Variants in DPYSL2 observed in about 807,000 individuals in gnomAD.
The protein encoded by DPYSL2 is dihydropyrimidinase like 2.
Under a neutral mutation model 69.9 loss-of-function variants are expected in DPYSL2, and 13 were observed. The ratio of observed to expected loss-of-function variants is 0.19; its 90% confidence interval spans 0.12 to 0.30. The LOEUF is 0.30. Ranked by LOEUF, DPYSL2 falls within the 10% of genes least tolerant of loss-of-function variation. The probability of loss-of-function intolerance (pLI) is 1.00; values close to 1 mark genes in which losing one functional copy is unlikely to be tolerated. For missense variants in DPYSL2, 587 were observed against 918.9 expected, an observed-to-expected ratio of 0.64 and a Z score of 4.67; for synonymous variants, 326 against 359.1, an observed-to-expected ratio of 0.91 and a Z score of 1.04.
At position 26,652,246 on chromosome 8, in the gene DPYSL2, C is replaced by T. The variant is rs754412481; in HGVS notation, c.1597-11C>T. 2.5e-6 allele frequency: 4 copies of T among 1,608,790 alleles called. No homozygotes were observed. Among genetic ancestry groups the T allele is most frequent in the African/African-American group, 1.3e-5 (1 of 74,894 alleles). On this transcript the variant is annotated splice_polypyrimidine_tract_variant and intron_variant, in intron 11 of 13. Coordinates refer to ENST00000521913, the MANE Select transcript of DPYSL2 (RefSeq NM_001197293.3). The surrounding 1 kb of genome is among the most constrained non-coding windows in gnomAD (Gnocchi z 6.3). ...TGGCCTGTTCTAGAGTTTACTTTGCCTTCTTCTCAGTCTCTCGAGTACAAC... is the reference window on the plus strand; with the variant it reads ...TGGCCTGTTCTAGAGTTTACTTTGCTTTCTTCTCAGTCTCTCGAGTACAAC...
At position 26,533,393 on chromosome 8, in the gene DPYSL2, C is replaced by T. The variant is rs534727806; in HGVS notation, c.354+18714C>T. On this transcript the variant is annotated intron_variant, in intron 1 of 13. Coordinates refer to ENST00000521913, the MANE Select transcript of DPYSL2 (RefSeq NM_001197293.3). This position sits in a 1 kb window ranked among gnomAD's most constrained non-coding sequence, Gnocchi z 4.8. ...ACAAAGTGTAACTTATCTATCTTTT[C>T]TTTTGTTGCTTGTACTTTTGGTATC... Among the ~76,000 whole-genome samples the T allele has an allele frequency of 3.6e-3, 547 of 152,182 alleles. 4 individuals are homozygous for T. Among genetic ancestry groups the T allele is most frequent in the Middle Eastern group, 6.8e-3 (2 of 294 alleles).
chr8:26,597,511 G>A lies in DPYSL2; in HGVS notation c.628+13528G>A, dbSNP rs1050335400. ...TTTTTTGGATACAGAGTCTCCCTCC[G>A]TTGCCTAGGCTGGAATGCAGTGGCT... On this transcript the variant is annotated intron_variant, in intron 3 of 13. Coordinates refer to ENST00000521913, the MANE Select transcript of DPYSL2 (RefSeq NM_001197293.3). The surrounding 1 kb of genome is among the most constrained non-coding windows in gnomAD (Gnocchi z 5.2). 6.6e-6 allele frequency among the ~76,000 whole-genome samples: 1 copy of A among 151,796 alleles called. No homozygotes were observed. The highest frequency in any genetic ancestry group is 6.6e-5 in the Admixed American group (1 of 15,244).
Position 26,560,889 on chromosome 8 carries a change from A to C in DPYSL2, c.355-21080A>C, listed in dbSNP as rs1057315263. ...GGAAAGAAACATCATTAATCATATG[A>C]TGAGTGTTTGTCAGGCCTCCAAGTC... is the stretch of plus-strand genomic sequence containing the variant. On this transcript the variant is annotated intron_variant, in intron 1 of 13. Transcript: ENST00000521913. The surrounding 1 kb of genome is among the most constrained non-coding windows in gnomAD (Gnocchi z 4.4). 7.2e-5 allele frequency among the ~76,000 whole-genome samples: 11 copies of C among 152,202 alleles called. No homozygotes were observed. The highest frequency in any genetic ancestry group is 2.7e-4 in the African/African-American group (11 of 41,446).
rs1234445091 is a variant in DPYSL2 at position 26,517,692 on chromosome 8, C to G, written c.354+3013C>G. On this transcript the variant is annotated intron_variant, in intron 1 of 13. Transcript: ENST00000521913. This position sits in a 1 kb window ranked among gnomAD's most constrained non-coding sequence, Gnocchi z 4.2. ...AATACTGGACCATAAGAATGCTTTT[C>G]AAAGGGGCCTCTAGGCCCTTTTCCC... Among the ~76,000 whole-genome samples, 1 of 152,232 alleles carries G rather than the reference C, an allele frequency of 6.6e-6. No homozygotes were observed. Among genetic ancestry groups the G allele is most frequent in the Non-Finnish European group, 1.5e-5 (1 of 68,048 alleles).
chr8:26,598,546 G>A lies in DPYSL2; in HGVS notation c.628+14563G>A, dbSNP rs1801917626. Among the ~76,000 whole-genome samples the A allele has an allele frequency of 6.6e-6, 1 of 152,242 alleles. No individual in the cohort carries two copies. The highest frequency in any genetic ancestry group is 1.5e-5 in the Non-Finnish European group (1 of 68,044). On this transcript the variant is annotated intron_variant, in intron 3 of 13. Coordinates refer to ENST00000521913, the MANE Select transcript of DPYSL2 (RefSeq NM_001197293.3). The surrounding 1 kb of genome is among the most constrained non-coding windows in gnomAD (Gnocchi z 4.2). Reference sequence around the variant, plus strand: ...TTAGTGCCAGCAGAAAGCACCAGGAGACACCCGATGTGCCCCCACCTTGGT... The same window carrying A: ...TTAGTGCCAGCAGAAAGCACCAGGAAACACCCGATGTGCCCCCACCTTGGT...
rs143758547 is a variant in DPYSL2 at position 26,641,550 on chromosome 8, C to T, written c.1127-1889C>T. Among the ~76,000 whole-genome samples, 23 of 152,366 alleles carry T rather than the reference C, an allele frequency of 1.5e-4. No individual in the cohort carries two copies. Among genetic ancestry groups the T allele is most frequent in the African/African-American group, 4.6e-4 (19 of 41,596 alleles). On this transcript the variant is annotated intron_variant, in intron 8 of 13. Transcript: ENST00000521913. This position sits in a 1 kb window ranked among gnomAD's most constrained non-coding sequence, Gnocchi z 4.1. ...TCTTTGGCAGCGGCCAAGGCCTTCTCATTATGTGGTGTTTTTCCACTTCGG... is the reference window on the plus strand; with the variant it reads ...TCTTTGGCAGCGGCCAAGGCCTTCTTATTATGTGGTGTTTTTCCACTTCGG...
chr8:26,572,502 T>A (rs574842447), intron 1 of DPYSL2, among the ~76,000 whole-genome samples: 1 of 152,134 alleles, frequency 6.6e-6, no homozygotes, highest in Non-Finnish European at 1.5e-5. Flanking sequence ...TGAGTAAGAC[T>A]TTTTTGTTTG....
In DPYSL2 at chr8:26,564,706, G is replaced by A. The variant is rs1335822434; in HGVS notation, c.355-17263G>A. On this transcript the variant is annotated intron_variant, in intron 1 of 13. Transcript: ENST00000521913. The surrounding 1 kb of genome is among the most constrained non-coding windows in gnomAD (Gnocchi z 4.8). ...AGGGTGGCCAGATCAAGGACCAGTG[G>A]GAAGTCTTCAGGGGAAGCTCTTCTG... 1.3e-5 allele frequency among the ~76,000 whole-genome samples: 2 copies of A among 152,140 alleles called. No homozygotes were observed. The highest frequency in any genetic ancestry group is 4.8e-5 in the African/African-American group (2 of 41,416).
intron 1 of DPYSL2, among the ~76,000 whole-genome samples, chr8:26,549,639 C>T (rs563978069): frequency 3.9e-5 from 6 of 152,152 alleles, no homozygotes; most frequent in African/African-American, 1.4e-4. Flanking sequence ...TGCAGAAAAT[C>T]AAAGACAGAA....
At position 26,652,525 on chromosome 8, in the gene DPYSL2, A is replaced by G; in HGVS notation, c.1776+89A>G. 7.3e-7 allele frequency: 1 copy of G among 1,369,178 alleles called. No homozygotes were observed. The highest frequency in any genetic ancestry group is 1.0e-6 in the Non-Finnish European group (1 of 1,004,338). 84.8% of individuals were successfully genotyped at this position (1,369,178 alleles called of 1,614,324 possible). A position where few individuals can be genotyped will look rare whatever the true frequency, so the allele number is the denominator to read the frequency against. ...TTTATTAAGCACCTTGAGACAGAAT[A>G]TTAAGATGAATTTAGTGGATTCCAG... On this transcript the variant is annotated intron_variant, in intron 12 of 13. Coordinates refer to ENST00000521913, the MANE Select transcript of DPYSL2 (RefSeq NM_001197293.3). The surrounding 1 kb of genome is among the most constrained non-coding windows in gnomAD (Gnocchi z 6.3).
Position 26,514,759 on chromosome 8 carries a change from C to T in DPYSL2, c.354+80C>T. ...CCCTCGCCCCTGAGCCCGGCGCGCC[C>T]GCCTTCATGCCCCGCCCTGGACCTC... On this transcript the variant is annotated intron_variant, in intron 1 of 13. Transcript: ENST00000521913. This position sits in a 1 kb window ranked among gnomAD's most constrained non-coding sequence, Gnocchi z 8.4. 4.8e-6 allele frequency: 6 copies of T among 1,237,832 alleles called. No individual in the cohort carries two copies. The highest frequency in any genetic ancestry group is 5.3e-6 in the Non-Finnish European group (5 of 950,156). The allele number at this position is 1,237,832 out of a possible 1,614,324, so 76.7% of individuals were successfully genotyped here.
chr8:26,519,404 G>A (rs985952156), intron 1 of DPYSL2, among the ~76,000 whole-genome samples: 1 of 152,112 alleles, frequency 6.6e-6, no homozygotes, highest in Non-Finnish European at 1.5e-5. Flanking sequence ...CTGGGAGAGA[G>A]GTCTCTTGTT....
intron 1 of DPYSL2, among the ~76,000 whole-genome samples, chr8:26,527,099 G>A (rs1168714638): frequency 6.6e-6 from 1 of 152,224 alleles, no homozygotes; most frequent in Non-Finnish European, 1.5e-5. Context: ...TGACTGGGGA[G>A]TGGGCTAGTT....
At position 26,605,933 on chromosome 8, in the gene DPYSL2, T is replaced by C. The variant is rs962704399; in HGVS notation, c.629-18210T>C. ...GGTTGAGTTTTTGTTTTGTTTTCCA[T>C]TTGACCAAATGATTCTTAAGTACAG... On this transcript the variant is annotated intron_variant, in intron 3 of 13. Transcript: ENST00000521913. This position sits in a 1 kb window ranked among gnomAD's most constrained non-coding sequence, Gnocchi z 4.1. Among the ~76,000 whole-genome samples, 66 of 152,302 alleles carry C rather than the reference T, an allele frequency of 4.3e-4. No individual in the cohort carries two copies. The highest frequency in any genetic ancestry group is 9.0e-4 in the Non-Finnish European group (61 of 68,014).
chr8:26,604,344 T>G (rs1365740874), intron 3 of DPYSL2, among the ~76,000 whole-genome samples: 2 of 152,212 alleles, frequency 1.3e-5, no homozygotes, highest in South Asian at 4.1e-4. Flanking sequence ...GGTCCTGGAA[T>G]GTCATGCCAG....
rs1802206161 is a variant in DPYSL2 at position 26,610,757 on chromosome 8, A to G, written c.629-13386A>G. On this transcript the variant is annotated intron_variant, in intron 3 of 13. Transcript: ENST00000521913. The surrounding 1 kb of genome is among the most constrained non-coding windows in gnomAD (Gnocchi z 4.5). Reference sequence around the variant, plus strand: ...GAAAACTAGTTCTGTACCAGGGATTATGTTCAGCAGGTTTATCTCCTCAAG... The same window carrying G: ...GAAAACTAGTTCTGTACCAGGGATTGTGTTCAGCAGGTTTATCTCCTCAAG... Among the ~76,000 whole-genome samples, 1 of 152,156 alleles carries G rather than the reference A, an allele frequency of 6.6e-6. No homozygotes were observed. The highest frequency in any genetic ancestry group is 6.5e-5 in the Admixed American group (1 of 15,284).
chr8:26,644,160 G>C lies in DPYSL2; in HGVS notation c.1425+69G>C. On this transcript the variant is annotated intron_variant, in intron 10 of 13. Transcript: ENST00000521913. This position sits in a 1 kb window ranked among gnomAD's most constrained non-coding sequence, Gnocchi z 4.5. ...TTGTCCTCCTCATCTGGGGGCCATG[G>C]GGCTCATGGAGGCCTTGAAATGACA... The C allele has an allele frequency of 6.4e-7, 1 of 1,560,496 alleles. No individual in the cohort carries two copies. The highest frequency in any genetic ancestry group is 1.9e-5 in the Admixed American group (1 of 54,032).
At position 26,643,368 on chromosome 8, in the gene DPYSL2, G is replaced by C; in HGVS notation, c.1127-71G>C. 1 of 1,495,546 alleles carries C rather than the reference G, an allele frequency of 6.7e-7. No homozygotes were observed. The highest frequency in any genetic ancestry group is 8.9e-7 in the Non-Finnish European group (1 of 1,117,874). 92.6% of individuals were successfully genotyped at this position (1,495,546 alleles called of 1,614,324 possible). On this transcript the variant is annotated intron_variant, in intron 8 of 13. Transcript: ENST00000521913. The surrounding 1 kb of genome is among the most constrained non-coding windows in gnomAD (Gnocchi z 6.5). ...CACTGGGTGCTGCTGGGCAGGCAGT[G>C]GCTCCTCATAGGGGTGGTTCCCTTC...
At chr8:26,625,920 C>T (rs1182172394) in intron 4 of DPYSL2, among the ~76,000 whole-genome samples, 1 of 152,126 alleles carries the variant, frequency 6.6e-6, no homozygotes, top group Non-Finnish European at 1.5e-5. Flanking sequence ...CAACCATCAC[C>T]ACCCTCCATC....
Sources: gnomAD v4.1 joint callset for allele counts (sites outside exome capture counted in the v4.1 genomes callset) on GRCh38, gnomAD v4.1.1 for gene constraint, Gnocchi (gnomAD v3.1) non-coding constraint, MANE v1.5 for transcripts, NCBI Gene and HGNC (gene_info 2026-07-23, HGNC 2026-07-21) for gene names.